Variants in ADCY7 observed in about 807,000 individuals in gnomAD.
ADCY7 encodes the protein adenylate cyclase type 7.
In ADCY7, 72 loss-of-function variants were observed where a neutral mutation model predicts 120.6. That is an observed-to-expected ratio of 0.60 (90% CI 0.49 to 0.73). The LOEUF is 0.73. ADCY7 is among the 30% of genes least tolerant of loss of function. ADCY7 has a pLI of 0.00. For missense variants in ADCY7, 1,227 were observed against 1,486.0 expected (o/e 0.83, Z 2.87); for synonymous variants, 661 against 628.0 (o/e 1.05, Z -0.78).
intron 1 of ADCY7, among the ~76,000 whole-genome samples, chr16:50,246,434 G>C (rs960613591): frequency 8.6e-5 from 13 of 151,968 alleles, no homozygotes; most frequent in African/African-American, 3.1e-4. Context: ...CCTCCCTTAG[G>C]CACGGCCAGG....
intron 1 of ADCY7, among the ~76,000 whole-genome samples, chr16:50,275,066 T>TGGA (rs2150861196): frequency 6.6e-6 from 1 of 152,308 alleles, no homozygotes; most frequent in East Asian, 1.9e-4. Flanking sequence ...GGTTGGCACT[T>TGGA]GGAGCTGTTT....
chr16:50,248,601 G>A (rs1386088055), intron 1 of ADCY7, among the ~76,000 whole-genome samples: 5 of 152,232 alleles, frequency 3.3e-5, no homozygotes, highest in African/African-American at 9.6e-5. Flanking sequence ...GGGGGAGTTC[G>A]TGGACAGATC....
chr16:50,262,764 G>A (rs1378303167), upstream of ADCY7, among the ~76,000 whole-genome samples: 1 of 152,234 alleles, frequency 6.6e-6, no homozygotes, highest in Non-Finnish European at 1.5e-5. Context: ...GGGGGTTGCT[G>A]AGAGGGACAG....
At chr16:50,273,125 G>T (rs866996611) in intron 1 of ADCY7, among the ~76,000 whole-genome samples, 1 of 152,212 alleles carries the variant, frequency 6.6e-6, no homozygotes, top group Non-Finnish European at 1.5e-5. Flanking sequence ...TCACCCTGGT[G>T]TCTGGAGCTG....
At chr16:50,283,980 C>T (rs1443887749) in intron 1 of ADCY7, among the ~76,000 whole-genome samples, 2 of 152,222 alleles carry the variant, frequency 1.3e-5, no homozygotes, top group Non-Finnish European at 2.9e-5. Context: ...GTGTCTCAGA[C>T]ATGGCAGAAG....
At chr16:50,308,639 T>TG (rs2036240233) in intron 16 of ADCY7, 28 bp from the exon 17 acceptor site, 3 of 1,597,494 alleles carry the variant, frequency 1.9e-6, no homozygotes, top group Non-Finnish European at 2.6e-6. Flanking sequence ...CTGTTGGCTC[T>TG]GGGTGACTTG....
chr16:50,294,637 C>CCCA lies in ADCY7; in HGVS notation c.837-3_837-2insCCA. On this transcript the variant is annotated splice_region_variant and splice_polypyrimidine_tract_variant and intron_variant, in intron 6 of 25. Transcript: ENST00000673801. ...ACTCCCTCCCACCCTGCCCCATCCC[C>CCCA]AGCATCCTCTATGCGGACATCGTGG... 6.3e-7 allele frequency: 1 copy of CCCA among 1,595,646 alleles called. No homozygotes were observed. The highest frequency in any genetic ancestry group is 8.6e-7 in the Non-Finnish European group (1 of 1,166,934).
At position 50,293,465 on chromosome 16, in the gene ADCY7, T is replaced by C; in HGVS notation, c.799T>C (p.Phe267Leu). The part of the protein sequence containing the change: ...GDRRCMPDNN[F>L]HSLYVKRHQN... ...CCGTCGCTGCATGCCTGACAACAAC[T>C]TCCACAGCCTCTACGTCAAGAGGCA... Residue 267 changes from phenylalanine (F) to leucine (L), a missense_variant, in exon 6 of 26, where the codon TTC (phenylalanine) becomes CTC (leucine). Coordinates refer to ENST00000673801, the MANE Select transcript of ADCY7 (RefSeq NM_001114.5). 6.2e-7 allele frequency: 1 copy of C among 1,613,946 alleles called. No homozygotes were observed.
chr16:50,309,430 C>A, intron 17 of ADCY7, 118 bp from the exon 18 acceptor site: 1 of 798,848 alleles, frequency 1.3e-6, no homozygotes, highest in Non-Finnish European at 2.0e-6. Context: ...AGAGCTGATC[C>A]CAACGTGAAA....
upstream of ADCY7, among the ~76,000 whole-genome samples, chr16:50,263,260 C>T (rs1276324246): frequency 7.3e-5 from 11 of 151,600 alleles, no homozygotes; most frequent in Admixed American, 7.2e-4. Context: ...GGAGCATTGA[C>T]CTGTGTGTGC....
chr16:50,305,029 C>T, intron 12 of ADCY7, 70 bp downstream of exon 12: 1 of 1,595,404 alleles, frequency 6.3e-7, no homozygotes, highest in South Asian at 1.1e-5. Flanking sequence ...CCTGAGCAGC[C>T]TCTGTCCAGT....
rs560671117 is a variant in ADCY7 at position 50,300,953 on chromosome 16, G to C, written c.1235+80G>C. On this transcript the variant is annotated intron_variant, in intron 9 of 25. Transcript: ENST00000673801. ...GAGGGTTCTGCGGTTGGGGGTGGGG[G>C]TCAGGTGTGGAGGGAGAGATGAATG... 4 of 1,535,770 alleles carry C rather than the reference G, an allele frequency of 2.6e-6. No homozygotes were observed. In the East Asian group the frequency reaches 9.8e-5, roughly 38 times the overall value.
rs934152099 is a variant in ADCY7 at position 50,291,995 on chromosome 16, G to A, written c.537+98G>A. 4.3e-5 allele frequency: 59 copies of A among 1,359,614 alleles called. No individual in the cohort carries two copies. The African/African-American group carries it at 4.4e-4, about 10-fold the overall frequency. 84.2% of individuals were successfully genotyped at this position (1,359,614 alleles called of 1,614,324 possible). On this transcript the variant is annotated intron_variant, in intron 4 of 25. Transcript: ENST00000673801. ...TGGGTGAATCAGACCCGAAGGCCCC[G>A]GAGCCGTGTTTGCAGACAGCCCGCT...
chr16:50,258,073 A>C (rs11076529), intron 1 of ADCY7, among the ~76,000 whole-genome samples: 78,794 of 151,850 alleles, frequency 0.52, 20,874 homozygotes, highest in Non-Finnish European at 0.58. Flanking sequence ...TTTTAAAATC[A>C]GGATCCAGAG....
At chr16:50,263,600 G>T (rs2033114707), upstream of ADCY7, among the ~76,000 whole-genome samples, 3 of 152,124 alleles carry the variant, frequency 2.0e-5, no homozygotes, top group South Asian at 6.2e-4. Flanking sequence ...GCCGGTGCTG[G>T]AAAGCCCAGG....
At chr16:50,276,762 T>A (rs183085362) in intron 1 of ADCY7, among the ~76,000 whole-genome samples, 1 of 152,020 alleles carries the variant, frequency 6.6e-6, no homozygotes, top group Non-Finnish European at 1.5e-5. Flanking sequence ...CCTGGCTTAG[T>A]TTTAAAATTT....
intron 15 of ADCY7, among the ~76,000 whole-genome samples, chr16:50,307,497 A>G (rs2036147887): frequency 6.6e-6 from 1 of 152,064 alleles, no homozygotes; most frequent in East Asian, 1.9e-4. Context: ...TCTTATATAT[A>G]GGGAAATTGG....
At chr16:50,290,109 CT>C (rs1477086463) in intron 2 of ADCY7, among the ~76,000 whole-genome samples, 1 of 152,250 alleles carries the variant, frequency 6.6e-6, no homozygotes, top group African/African-American at 2.4e-5. Context: ...TTACAAGGCT[CT>C]GCCTGTGAAT....
chr16:50,315,758 G>C lies in ADCY7; in HGVS notation c.*253G>C. 1 of 421,868 alleles carries C rather than the reference G, an allele frequency of 2.4e-6. No individual in the cohort carries two copies. The highest frequency in any genetic ancestry group is 4.3e-6 in the Non-Finnish European group (1 of 231,926). 26.1% of individuals were successfully genotyped at this position (421,868 alleles called of 1,614,324 possible). On this transcript the variant is annotated 3_prime_UTR_variant, in exon 26 of 26. Transcript: ENST00000673801. ...TCTGTAACAGTTTCCAGGCCAGCTG[G>C]AGAATGTTCACTGGTTCGGGGCTGA...
Sources: allele counts gnomAD v4.1 joint callset (sites outside exome capture counted in the v4.1 genomes callset), GRCh38; gene constraint gnomAD v4.1.1; transcripts MANE v1.5; gene names NCBI Gene and HGNC (gene_info 2026-07-23, HGNC 2026-07-21).